Variants in UBA1 observed in about 807,000 individuals in gnomAD.
UBA1 encodes ubiquitin-like modifier-activating enzyme 1.
In UBA1, 4 loss-of-function variants were observed where a neutral mutation model predicts 84.7. That is an observed-to-expected ratio of 0.05 (90% CI 0.02 to 0.11). The LOEUF (loss-of-function observed/expected upper bound fraction) is 0.11, where lower values mean the gene tolerates loss of function less well. Among genes scored for constraint, UBA1 ranks in the 10% least tolerant of loss-of-function variants. UBA1 has a pLI of 1.00. For synonymous variants in UBA1, 364 were observed against 362.6 expected, an observed-to-expected ratio of 1.00 and a Z score of -0.04; for missense variants, 513 against 902.8, an observed-to-expected ratio of 0.57 and a Z score of 5.53.
chrX:47,211,704 A>G (rs1230508373), intron 20 of UBA1, among the ~76,000 whole-genome samples: 1 of 78,674 alleles, frequency 1.3e-5, no homozygotes, highest in Admixed American at 1.6e-4. Flanking sequence ...TTTTTTCACC[A>G]CCCCTCCCTT....
intron 5 of UBA1, among the ~76,000 whole-genome samples, chrX:47,200,317 G>T (rs1363270925): frequency 8.9e-6 from 1 of 112,247 alleles, no homozygotes; most frequent in Non-Finnish European, 1.9e-5. Context: ...ATTGCAGCTG[G>T]CATATAAGGA....
intron 25 of UBA1, 55 bp downstream of exon 25, chrX:47,214,692 A>C (rs1305462792): frequency 8.4e-7 from 1 of 1,193,005 alleles, no homozygotes; most frequent in Non-Finnish European, 1.1e-6. Context: ...GGGGAGCCTC[A>C]TCATCCAGCT....
Position 47,203,681 on chromosome X carries a change from G to A in UBA1, c.1560G>A (p.Arg520=). 1 of 1,210,412 alleles carries A rather than the reference G, an allele frequency of 8.3e-7. No individual in the cohort carries two copies. The highest frequency in any genetic ancestry group is 1.1e-6 in the Non-Finnish European group (1 of 895,102). Reference sequence around the variant, plus strand: ...ATCTGAATCGACAGTTTCTTTTCCGGCCCTGGGATGTCACGGTGAGTAGGG... The same window carrying A: ...ATCTGAATCGACAGTTTCTTTTCCGACCCTGGGATGTCACGGTGAGTAGGG... ...KSNLNRQFLF[R]PWDVTKLKSD... Residue 520 remains arginine, a synonymous_variant, in exon 14 of 26, where the codon CGG becomes CGA. Coordinates refer to ENST00000335972, the MANE Select transcript of UBA1 (RefSeq NM_003334.4).
chrX:47,191,745 A>T (rs1936066818), upstream of UBA1: 1 of 111,817 alleles, frequency 8.9e-6, no homozygotes, highest in African/African-American at 3.3e-5. Flanking sequence ...GTTAAGTAGC[A>T]CCCTGAGTTT....
intron 18 of UBA1, 109 bp downstream of exon 18, chrX:47,210,232 CATGGGG>C: frequency 1.1e-6 from 1 of 892,706 alleles, no homozygotes. Context: ...TGCCCTGAGG[CATGGGG>C]ATCTGAGAAG....
At chrX:47,197,242 G>T in intron 1 of UBA1, 1 of 755,044 alleles carries the variant, frequency 1.3e-6, no homozygotes, top group East Asian at 1.5e-4. Context: ...TCCCCCACCA[G>T]CTGCATGCCT....
chrX:47,209,168 T>G (rs1490152318), intron 16 of UBA1: 1 of 300,164 alleles, frequency 3.3e-6, no homozygotes, highest in Non-Finnish European at 5.9e-6. Flanking sequence ...TTGATTTTTC[T>G]TTTTTTGAGA....
rs1383263968 is a variant in UBA1 at position 47,206,365 on chromosome X, C to G, written c.1859C>G (p.Ser620Cys). The G allele has an allele frequency of 1.7e-6, 2 of 1,210,667 alleles. No individual in the cohort carries two copies. Among genetic ancestry groups the G allele is most frequent in the Non-Finnish European group, 2.2e-6 (2 of 895,269 alleles). Residue 620 changes from serine to cysteine, a missense_variant, in exon 16 of 26, where the codon TCC becomes TGC. Coordinates refer to ENST00000335972, the MANE Select transcript of UBA1 (RefSeq NM_003334.4). ...CCCTTCCTGACAGAGTCGTACAGTT[C>G]CAGCCAGGACCCACCTGAGAAGTCC... ...VIPFLTESYS[S>C]SQDPPEKSIP...
At chrX:47,208,360 C>T (rs1404110646) in intron 16 of UBA1, among the ~76,000 whole-genome samples, 5 of 111,399 alleles carry the variant, frequency 4.5e-5, no homozygotes, top group African/African-American at 9.8e-5. Flanking sequence ...CACGCGTGCC[C>T]GTTACGTTGA....
At position 47,202,402 on chromosome X, in the gene UBA1, G is replaced by A. The variant is rs368506746; in HGVS notation, c.954G>A (p.Thr318=). 40 of 1,209,300 alleles carry A rather than the reference G, an allele frequency of 3.3e-5. No homozygotes were observed. Among genetic ancestry groups the A allele is most frequent in the East Asian group, 2.4e-4 (8 of 33,729 alleles). ...ASLAEPDFVV[T]DFAKFSRPAQ... is the part of the protein sequence containing the mutation. ...TGGCAGAACCTGACTTTGTGGTGAC[G>A]GACTTCGCCAAGTTTTCTCGCCCTG... The change falls in exon 10 of 26, where the codon ACG becomes ACA. Residue 318 remains threonine, a synonymous_variant. Transcript: ENST00000335972.
At chrX:47,193,807 G>A (rs1423458727), upstream of UBA1, 1 of 111,788 alleles carries the variant, frequency 8.9e-6, no homozygotes, top group Non-Finnish European at 1.9e-5. Context: ...GTTTTGTTCC[G>A]GCCCCAGGCT....
chrX:47,209,167 C>T, intron 16 of UBA1: 1 of 294,533 alleles, frequency 3.4e-6, no homozygotes, highest in Non-Finnish European at 6.0e-6. Context: ...ATTGATTTTT[C>T]TTTTTTTGAG....
chrX:47,204,379 A>G (rs1212630319), intron 14 of UBA1, among the ~76,000 whole-genome samples: 6 of 110,392 alleles, frequency 5.4e-5, no homozygotes, highest in Non-Finnish European at 1.1e-4. Context: ...GGAGTTAAAC[A>G]AGGCGGCCTT....
At position 47,209,562 on chromosome X, in the gene UBA1, T is replaced by C. The variant is rs782292806; in HGVS notation, c.1939-61T>C. The C allele has an allele frequency of 2.8e-6, 3 of 1,056,266 alleles. No homozygotes were observed. In the African/African-American group the frequency reaches 5.5e-5, roughly 19 times the overall value. The allele number at this position is 1,056,266 out of a possible 1,213,427, so 87.0% of individuals were successfully genotyped here. On this transcript the variant is annotated intron_variant, in intron 16 of 25. Coordinates refer to ENST00000335972, the MANE Select transcript of UBA1 (RefSeq NM_003334.4). The stretch of plus-strand genomic sequence containing the variant: ...TATTCACTGATGGTCCTTCTAATAA[T>C]GCCTGCGGAAACCCATTTTGTCAAC...
chrX:47,209,985 G>T lies in UBA1; in HGVS notation c.2061G>T (p.Val687=). 2 of 1,212,315 alleles carry T rather than the reference G, an allele frequency of 1.6e-6. No individual in the cohort carries two copies. The highest frequency in any genetic ancestry group is 3.5e-5 in the South Asian group (2 of 57,039). ...LRLAGTQPLE[V]LEAVQRSLVL... ...TGGCAGGCACTCAGCCCTTGGAGGTGCTGGAGGCTGTGCAGCGCAGCCTGG... is the reference window on the plus strand; with the variant it reads ...TGGCAGGCACTCAGCCCTTGGAGGTTCTGGAGGCTGTGCAGCGCAGCCTGG... Residue 687 remains valine, a synonymous_variant, in exon 18 of 26, where the codon GTG becomes GTT. Coordinates refer to ENST00000335972, the MANE Select transcript of UBA1 (RefSeq NM_003334.4).
intron 10 of UBA1, 45 bp from the exon 11 acceptor site, chrX:47,202,593 A>T: frequency 8.3e-7 from 1 of 1,209,497 alleles, no homozygotes; most frequent in South Asian, 1.8e-5. Flanking sequence ...CCCTGCCCTC[A>T]CTGTGGCCTG....
chrX:47,197,594 CCCA>C (rs1389895758), intron 1 of UBA1: 36 of 753,121 alleles, frequency 4.8e-5, no homozygotes, highest in Non-Finnish European at 5.5e-5. Context: ...CCCAGTCACC[CCCA>C]CCACCAGATT....
chrX:47,202,999 G>C lies in UBA1; in HGVS notation c.1290G>C (p.Glu430Asp). Residue 430 changes from glutamate to aspartate, a missense_variant, in exon 12 of 26, where the codon GAG (glutamate) becomes GAC (aspartate). Physicochemically the swap from Glu to Asp is conservative, Grantham distance 45. Around this residue, in one of 6 missense-constraint regions of UBA1, gnomAD observed 227 missense variants for 339.1 expected, o/e 0.67. Transcript: ENST00000335972. ...IMQWLYFDALECLPEDKEVLT... is the reference protein window; with the variant it reads ...IMQWLYFDALDCLPEDKEVLT... The stretch of plus-strand genomic sequence containing the variant: ...AGTGGCTATACTTTGATGCCCTTGA[G>C]TGTCTCCCTGAGGACAAAGAGGTCC... 1.7e-6 allele frequency: 2 copies of C among 1,212,005 alleles called. No homozygotes were observed. The highest frequency in any genetic ancestry group is 2.2e-6 in the Non-Finnish European group (2 of 895,539).
chrX:47,207,667 A>C (rs782349658), intron 16 of UBA1, among the ~76,000 whole-genome samples: 1 of 111,227 alleles, frequency 9.0e-6, no homozygotes, highest in Admixed American at 9.5e-5. Flanking sequence ...TGGGAACAAA[A>C]TAGGGAAGGG....
Sources: allele counts gnomAD v4.1 joint callset (sites outside exome capture counted in the v4.1 genomes callset), GRCh38; gene constraint gnomAD v4.1.1; regional missense constraint gnomAD v4.1.1; transcripts MANE v1.5; gene names NCBI Gene and HGNC (gene_info 2026-07-23, HGNC 2026-07-21).